Variants in KIAA0232 observed in about 807,000 individuals in gnomAD.
The protein encoded by KIAA0232 is uncharacterized protein KIAA0232.
In KIAA0232, 27 loss-of-function variants were observed where a neutral mutation model predicts 122.0. The ratio of observed to expected loss-of-function variants is 0.22; its 90% CI spans 0.16 to 0.31. The LOEUF (loss-of-function observed/expected upper bound fraction) is 0.31, where lower values mean the gene tolerates loss of function less well. Among genes scored for constraint, KIAA0232 ranks in the 10% least tolerant of loss-of-function variants. The pLI is 1.00. For synonymous variants in KIAA0232, 613 were observed against 587.6 expected (o/e 1.04, Z -0.63); for missense variants, 1,551 against 1,634.2 (o/e 0.95, Z 0.88).
intron 9 of KIAA0232, among the ~76,000 whole-genome samples, chr4:6,879,877 G>C (rs13152146): frequency 0.042 from 810 of 19,252 alleles, 13 homozygotes; most frequent in Non-Finnish European, 0.095. Context: ...CCAACACACA[G>C]GTCTGCAGTG....
In KIAA0232 at chr4:6,861,759, C is replaced by T; in HGVS notation, c.1377C>T (p.Tyr459=). The T allele has an allele frequency of 3.1e-6, 5 of 1,614,176 alleles. No homozygotes were observed. Among genetic ancestry groups the T allele is most frequent in the Non-Finnish European group, 4.2e-6 (5 of 1,180,044 alleles). Residue 459 remains tyrosine, a synonymous_variant, in exon 7 of 10, where the codon TAC becomes TAT. Coordinates refer to ENST00000307659, the MANE Select transcript of KIAA0232 (RefSeq NM_014743.3). ...CISNNNLHKT[Y]LAAGTFIDGH... Reference sequence around the variant, plus strand: ...GCAACAATAATCTTCATAAAACATACCTCGCAGCAGGTACTTTCATTGATG... The same window carrying T: ...GCAACAATAATCTTCATAAAACATATCTCGCAGCAGGTACTTTCATTGATG...
intron 2 of KIAA0232, among the ~76,000 whole-genome samples, chr4:6,805,506 A>G (rs987324964): frequency 1.3e-5 from 2 of 152,174 alleles, no homozygotes; most frequent in African/African-American, 4.8e-5. Flanking sequence ...TGGCTTTTAT[A>G]GTAATTTTAA....
chr4:6,865,448 C>T (rs1275554759), intron 7 of KIAA0232, among the ~76,000 whole-genome samples: 2 of 152,174 alleles, frequency 1.3e-5, no homozygotes, highest in African/African-American at 2.4e-5. Flanking sequence ...TAAAGGCATG[C>T]GCCACCACGC....
chr4:6,792,684 T>G (rs961721333), intron 1 of KIAA0232, among the ~76,000 whole-genome samples: 1 of 142,510 alleles, frequency 7.0e-6, no homozygotes, highest in Non-Finnish European at 1.5e-5. Flanking sequence ...GTCTTAGGTT[T>G]TTTTTTTTTT....
intron 1 of KIAA0232, among the ~76,000 whole-genome samples, chr4:6,800,039 C>CTTTTTTT (rs1717310962): frequency 1.2e-4 from 8 of 67,292 alleles, no homozygotes; most frequent in Non-Finnish European, 2.4e-4. Context: ...TTCTTTCTTT[C>CTTTTTTT]TTTCTTTTTT....
In KIAA0232 at chr4:6,860,996, G is replaced by C. The variant is rs1260084376; in HGVS notation, c.614G>C (p.Ser205Thr). The C allele has an allele frequency of 6.2e-7, 1 of 1,614,116 alleles. No homozygotes were observed. The highest frequency in any genetic ancestry group is 1.1e-5 in the South Asian group (1 of 91,086). ...WNKSKVCSYSSSSSSSTAPPA... is the reference protein window; with the variant it reads ...WNKSKVCSYSTSSSSSTAPPA... ...AAGTCTAAAGTCTGTTCTTACTCTA[G>C]CTCTTCTTCATCATCCACAGCCCCA... The change falls in exon 7 of 10, where the codon AGC (serine) becomes ACC (threonine). Residue 205 changes from serine to threonine, a missense_variant. Ser to Thr is a moderately conservative substitution (Grantham distance 58). Coordinates refer to ENST00000307659, the MANE Select transcript of KIAA0232 (RefSeq NM_014743.3).
intron 3 of KIAA0232, among the ~76,000 whole-genome samples, chr4:6,841,297 T>C (rs1719649304): frequency 6.6e-6 from 1 of 152,244 alleles, no homozygotes; most frequent in African/African-American, 2.4e-5. Flanking sequence ...GGATACGCAG[T>C]GCAAAGGAAA....
At chr4:6,822,912 A>C (rs374873245) in intron 2 of KIAA0232, among the ~76,000 whole-genome samples, 1 of 137,908 alleles carries the variant, frequency 7.3e-6, no homozygotes, top group African/African-American at 2.7e-5. Context: ...ATATCTCCCA[A>C]TGCTATCCCT....
chr4:6,800,385 T>C (rs1717335037), intron 1 of KIAA0232, among the ~76,000 whole-genome samples: 1 of 151,260 alleles, frequency 6.6e-6, no homozygotes, highest in Non-Finnish European at 1.5e-5. Context: ...GATTTTATTA[T>C]ATTTGAAAAT....
intron 3 of KIAA0232, among the ~76,000 whole-genome samples, chr4:6,837,900 CG>C (rs1560184241): frequency 7.1e-6 from 1 of 141,344 alleles, no homozygotes; most frequent in Admixed American, 7.0e-5. Context: ...AGAGGGAGAC[CG>C]TGCAAAGGGG....
chr4:6,859,556 CAGG>C, intron 6 of KIAA0232, among the ~76,000 whole-genome samples: 1 of 152,268 alleles, frequency 6.6e-6, no homozygotes, highest in African/African-American at 2.4e-5. Flanking sequence ...ATGATAATAT[CAGG>C]AGTTTAGTTA....
chr4:6,853,919 A>G (rs1429652834), intron 4 of KIAA0232, among the ~76,000 whole-genome samples: 1 of 152,192 alleles, frequency 6.6e-6, no homozygotes, highest in Non-Finnish European at 1.5e-5. Flanking sequence ...CTCAGTCTCC[A>G]TCATCATTTA....
rs1721023606 is a variant in KIAA0232 at position 6,863,804 on chromosome 4, T to C, written c.3422T>C (p.Val1141Ala). 6.2e-7 allele frequency: 1 copy of C among 1,614,104 alleles called. No homozygotes were observed. ...GCAAATATTCCCATTCCTTCTCAAG[T>C]TGATATATTTGAAGATCCGCAGGCA... ...DEANIPIPSQ[V>A]DIFEDPQADL... Residue 1141 changes from valine to alanine, a missense_variant, in exon 7 of 10, where the codon GTT (valine) becomes GCT (alanine). Physicochemically the swap from Val to Ala is moderately conservative, Grantham distance 64. Around this residue, in one of 5 missense-constraint regions of KIAA0232, gnomAD observed 1,108 missense variants for 1,154.8 expected, o/e 0.96. Transcript: ENST00000307659.
At chr4:6,827,433 A>G (rs1210994127) in intron 3 of KIAA0232, among the ~76,000 whole-genome samples, 5 of 152,184 alleles carry the variant, frequency 3.3e-5, no homozygotes, top group Non-Finnish European at 5.9e-5. Context: ...ACCTGGGTGA[A>G]GATGTGTGCC....
At chr4:6,838,043 T>G (rs1484919500) in intron 3 of KIAA0232, among the ~76,000 whole-genome samples, 1 of 152,222 alleles carries the variant, frequency 6.6e-6, no homozygotes, top group Non-Finnish European at 1.5e-5. Flanking sequence ...TGCAAAAATT[T>G]ACTCCCATTC....
intron 4 of KIAA0232, among the ~76,000 whole-genome samples, chr4:6,847,294 A>T (rs965113624): frequency 3.3e-5 from 5 of 152,080 alleles, no homozygotes; most frequent in Non-Finnish European, 7.4e-5. Context: ...GTTTAAGGAG[A>T]ATGGCTTACT....
chr4:6,870,345 C>A (rs529202473), intron 7 of KIAA0232, among the ~76,000 whole-genome samples: 1 of 152,216 alleles, frequency 6.6e-6, no homozygotes, highest in Non-Finnish European at 1.5e-5. Flanking sequence ...GAGTCTCTCC[C>A]GCTCTCAGGA....
Position 6,816,075 on chromosome 4 carries a change from T to C in KIAA0232, c.-269-8110T>C, listed in dbSNP as rs991489951. 3.9e-5 allele frequency among the ~76,000 whole-genome samples: 6 copies of C among 152,310 alleles called. No individual in the cohort carries two copies. The South Asian group carries it at 1.0e-3, about 26-fold the overall frequency. On this transcript the variant is annotated intron_variant, in intron 2 of 9. Transcript: ENST00000307659. ...TGAATCCAATCTTTCATGGTGTCAA[T>C]TTTTAAGGCCTTTGAGTTGTACAGT...
chr4:6,877,846 T>A (rs914040233), intron 9 of KIAA0232, among the ~76,000 whole-genome samples: 7 of 152,170 alleles, frequency 4.6e-5, no homozygotes, highest in African/African-American at 1.7e-4. Context: ...GTACTTTGCA[T>A]CCTTTAATCC....
Sources: gnomAD v4.1 joint callset for allele counts (sites outside exome capture counted in the v4.1 genomes callset) on GRCh38, gnomAD v4.1.1 for gene constraint, gnomAD v4.1.1 regional missense constraint, MANE v1.5 for transcripts, NCBI Gene and HGNC (gene_info 2026-07-23, HGNC 2026-07-21) for gene names.